The following TEX11 variants were observed in gnomAD, a reference collection of about 807,000 sequenced individuals.
The protein encoded by TEX11 is testis expressed 11, also known as testis-expressed protein 11.
In TEX11, 7 loss-of-function variants were observed where a neutral mutation model predicts 84.4. The observed-to-expected ratio is 0.08, with a 90% CI of 0.05 to 0.16. The LOEUF (loss-of-function observed/expected upper bound fraction) is 0.16, where lower values mean the gene tolerates loss of function less well. Among genes scored for constraint, TEX11 ranks in the 10% least tolerant of loss-of-function variants. The probability of loss-of-function intolerance (pLI) is 1.00; values close to 1 mark genes in which losing one functional copy is unlikely to be tolerated. For missense variants in TEX11, 551 were observed against 660.5 expected (o/e 0.83, Z 1.82); for synonymous variants, 264 against 222.8 (o/e 1.18, Z -1.64).
chrX:70,586,733 G>A (rs778818555), intron 25 of TEX11, among the ~76,000 whole-genome samples: 15 of 112,149 alleles, frequency 1.3e-4, no homozygotes, highest in South Asian at 3.7e-4. Context: ...GTAAAATGGC[G>A]AGAATGGACT....
intron 2 of TEX11, among the ~76,000 whole-genome samples, chrX:70,884,891 C>T (rs2091700061): frequency 9.0e-6 from 1 of 110,791 alleles, no homozygotes; most frequent in Non-Finnish European, 1.9e-5. Flanking sequence ...CTCTCTGCTT[C>T]CTGGTGGGGA....
the TEX11 span, among the ~76,000 whole-genome samples, chrX:70,516,552 C>T: frequency 9.0e-5 from 10 of 111,669 alleles, no homozygotes; most frequent in Admixed American, 2.9e-4. Context: ...AGTCAGGTAG[C>T]GTGATGCCTC....
In TEX11 at chrX:70,865,748, G is replaced by A. The variant is rs139059973; in HGVS notation, c.245-4812C>T. ...AGGATTAAGAAACTCACTCAAAACC[G>A]CACAACTACATGGAAATTGAACAAC... On this transcript the variant is annotated intron_variant, in intron 4 of 29. Coordinates refer to ENST00000374333, the MANE Select transcript of TEX11 (RefSeq NM_031276.3). Among the ~76,000 whole-genome samples, 275 of 111,889 alleles carry A rather than the reference G, an allele frequency of 2.5e-3. 2 individuals carry two copies. Among genetic ancestry groups the A allele is most frequent in the African/African-American group, 8.0e-3 (248 of 30,856 alleles).
chrX:70,861,368 G>A (rs1019451939), intron 4 of TEX11, among the ~76,000 whole-genome samples: 1 of 110,483 alleles, frequency 9.1e-6, no homozygotes, highest in African/African-American at 3.3e-5. Flanking sequence ...GCCTGTAAAG[G>A]ACTTTTTAAA....
intron 9 of TEX11, among the ~76,000 whole-genome samples, chrX:70,788,827 T>C (rs1055483881): frequency 9.7e-6 from 1 of 102,719 alleles, no homozygotes; most frequent in Non-Finnish European, 2.0e-5. Context: ...TGGGGTTATA[T>C]CAAGCTAAAA....
chrX:70,731,493 A>G (rs1479941471), intron 11 of TEX11, among the ~76,000 whole-genome samples: 1 of 111,695 alleles, frequency 9.0e-6, no homozygotes, highest in Non-Finnish European at 1.9e-5. Flanking sequence ...TCCCACAGAA[A>G]TACAAACTAC....
intron 11 of TEX11, among the ~76,000 whole-genome samples, chrX:70,738,375 A>C (rs919723969): frequency 8.9e-6 from 1 of 112,656 alleles, no homozygotes; most frequent in Non-Finnish European, 1.9e-5. Context: ...TCATTAAAGA[A>C]ATGCAAATCA....
At chrX:70,858,662 GA>G (rs1238372019) in intron 5 of TEX11, among the ~76,000 whole-genome samples, 2 of 110,883 alleles carry the variant, frequency 1.8e-5, no homozygotes, top group South Asian at 7.6e-4. Context: ...TTTACAAGCT[GA>G]AAAAAAATAC....
rs1225961297 is a variant in TEX11 at position 70,651,459 on chromosome X, A to T, written c.1474T>A (p.Ser492Thr). 5 of 1,187,867 alleles carry T rather than the reference A, an allele frequency of 4.2e-6. No individual in the cohort carries two copies. In the African/African-American group the frequency reaches 8.8e-5, roughly 21 times the overall value. ...IFKIAVIEGN[S>T]ERALQAIITL... ...CAAATAAAATTTATACCTCTTTCAG[A>T]GTTGCCCTCTATGACTGCAATCTTG... The change falls in exon 17 of 30, where the codon TCT becomes ACT. Residue 492 changes from serine to threonine, a missense_variant. Coordinates refer to ENST00000374333, the MANE Select transcript of TEX11 (RefSeq NM_031276.3).
At chrX:70,673,356 C>T (rs2090041576) in intron 15 of TEX11, 1 of 111,320 alleles carries the variant, frequency 9.0e-6, no homozygotes, top group Non-Finnish European at 1.9e-5. Flanking sequence ...CTCCTAGGCT[C>T]GAGCAATCCT....
chrX:70,545,254 A>G (rs951836262), intron 28 of TEX11, among the ~76,000 whole-genome samples: 1 of 112,588 alleles, frequency 8.9e-6, no homozygotes, highest in African/African-American at 3.2e-5. Context: ...CTCTTTTGTA[A>G]TAACATTTAG....
chrX:70,615,900 A>G (rs1335104400), intron 20 of TEX11, among the ~76,000 whole-genome samples: 1 of 111,996 alleles, frequency 8.9e-6, no homozygotes, highest in Non-Finnish European at 1.9e-5. Context: ...GAAGGAAAAA[A>G]CTTTTACCCT....
At chrX:70,687,728 C>A (rs891485757) in intron 13 of TEX11, among the ~76,000 whole-genome samples, 3 of 111,014 alleles carry the variant, frequency 2.7e-5, no homozygotes, top group Admixed American at 9.7e-5. Flanking sequence ...TGCCTGTAAT[C>A]CCAGCTATTT....
chrX:70,876,737 A>T lies in TEX11; in HGVS notation c.159+3251T>A, dbSNP rs570153282. Among the ~76,000 whole-genome samples the T allele has an allele frequency of 2.1e-4, 23 of 111,500 alleles. No individual in the cohort carries two copies. In the South Asian group the frequency reaches 8.4e-3, roughly 41 times the overall value. Reference sequence around the variant, plus strand: ...GGATTTCAAGACTAGCCTGTGCAACATGGAGAAACCCCATCTCTATGAAAA... The same window carrying T: ...GGATTTCAAGACTAGCCTGTGCAACTTGGAGAAACCCCATCTCTATGAAAA... On this transcript the variant is annotated intron_variant, in intron 3 of 29. Coordinates refer to ENST00000374333, the MANE Select transcript of TEX11 (RefSeq NM_031276.3).
At chrX:70,679,791 C>T (rs1379294701) in intron 14 of TEX11, among the ~76,000 whole-genome samples, 3 of 98,863 alleles carry the variant, frequency 3.0e-5, no homozygotes, top group Non-Finnish European at 6.3e-5. Flanking sequence ...GGGGGGTCAG[C>T]CCCCCGCCCG....
chrX:70,901,232 G>A (rs1180016164), intron 2 of TEX11, among the ~76,000 whole-genome samples: 3 of 110,766 alleles, frequency 2.7e-5, no homozygotes, highest in African/African-American at 9.8e-5. Flanking sequence ...GGATTTGGGG[G>A]GCAAAAAGTT....
At chrX:70,661,383 C>G (rs893189823) in intron 16 of TEX11, among the ~76,000 whole-genome samples, 24 of 112,445 alleles carry the variant, frequency 2.1e-4, no homozygotes, top group South Asian at 3.7e-4. Context: ...CCCGGAAGCT[C>G]GAACTGGGTG....
chrX:70,843,303 G>A (rs192673978), intron 7 of TEX11, among the ~76,000 whole-genome samples: 1,941 of 110,882 alleles, frequency 0.018, 44 homozygotes, highest in African/African-American at 0.06. Flanking sequence ...AAATAATGCC[G>A]CATATCTACA....
chrX:70,660,035 T>C (rs1233020851), intron 16 of TEX11, among the ~76,000 whole-genome samples: 1 of 112,399 alleles, frequency 8.9e-6, no homozygotes, highest in Non-Finnish European at 1.9e-5. Flanking sequence ...TACTGAATAC[T>C]GTAGGCAATT....
Sources: gnomAD v4.1 joint callset for allele counts (sites outside exome capture counted in the v4.1 genomes callset) on GRCh38, gnomAD v4.1.1 for gene constraint, MANE v1.5 for transcripts, NCBI Gene and HGNC (gene_info 2026-07-23, HGNC 2026-07-21) for gene names.